The following CTNND2 variants were observed in gnomAD, a reference collection of about 807,000 sequenced individuals.
CTNND2 encodes catenin delta 2, also known as catenin delta-2.
Under a neutral mutation model 144.4 loss-of-function variants are expected in CTNND2, and 22 were observed. The ratio of observed to expected loss-of-function variants is 0.15; its 90% CI spans 0.11 to 0.22. The LOEUF is 0.22. Ranked by LOEUF, CTNND2 falls within the 10% of genes least tolerant of loss-of-function variation. The probability of loss-of-function intolerance (pLI) is 1.00; values close to 1 mark genes in which losing one functional copy is unlikely to be tolerated. For missense variants in CTNND2, 1,353 were observed against 1,618.8 expected (o/e 0.84, Z 2.82); for synonymous variants, 751 against 695.6 (o/e 1.08, Z -1.25).
chr5:11,269,719 A>T (rs1745801940), intron 9 of CTNND2, among the ~76,000 whole-genome samples: 1 of 152,192 alleles, frequency 6.6e-6, no homozygotes, highest in Non-Finnish European at 1.5e-5. Flanking sequence ...AACTGCTGCC[A>T]GAGTTCCTCT....
At chr5:11,226,652 T>A (rs1389150364) in intron 10 of CTNND2, among the ~76,000 whole-genome samples, 1 of 152,198 alleles carries the variant, frequency 6.6e-6, no homozygotes, top group Non-Finnish European at 1.5e-5. Context: ...TTATTTACTA[T>A]CACAAGAACA....
intron 1 of CTNND2, among the ~76,000 whole-genome samples, chr5:11,828,032 G>GCTT (rs1413655117): frequency 2.0e-5 from 3 of 152,128 alleles, no homozygotes; most frequent in African/African-American, 7.2e-5. Context: ...GCCAGAAAGA[G>GCTT]CTTCTCCTAC....
At chr5:11,789,253 T>C (rs997274807) in intron 1 of CTNND2, among the ~76,000 whole-genome samples, 3 of 152,170 alleles carry the variant, frequency 2.0e-5, no homozygotes, top group Admixed American at 2.0e-4. Context: ...CACTTACATT[T>C]TCATGTGACT....
chr5:11,549,510 A>T (rs1216495719), intron 3 of CTNND2, among the ~76,000 whole-genome samples: 4 of 152,196 alleles, frequency 2.6e-5, no homozygotes, highest in Admixed American at 6.5e-5. Flanking sequence ...AGAATGCCAT[A>T]CATTTCCATA....
chr5:11,180,810 C>T (rs577726578), intron 11 of CTNND2, among the ~76,000 whole-genome samples: 3 of 152,376 alleles, frequency 2.0e-5, no homozygotes, highest in South Asian at 2.1e-4. Flanking sequence ...TCACTCCTAA[C>T]GATGCCAACT....
intron 2 of CTNND2, among the ~76,000 whole-genome samples, chr5:11,569,656 G>A (rs1030408642): frequency 1.3e-5 from 2 of 152,016 alleles, no homozygotes; most frequent in Non-Finnish European, 2.9e-5. Context: ...TAACTTTGTG[G>A]TATAGCATTA....
At chr5:11,300,516 G>A (rs1360566716) in intron 9 of CTNND2, among the ~76,000 whole-genome samples, 1 of 152,008 alleles carries the variant, frequency 6.6e-6, no homozygotes, top group Non-Finnish European at 1.5e-5. Context: ...CAGGCCTGGG[G>A]CCCCAGTGAC....
At chr5:11,296,674 T>C (rs1030899303) in intron 9 of CTNND2, among the ~76,000 whole-genome samples, 2 of 152,204 alleles carry the variant, frequency 1.3e-5, no homozygotes, top group Non-Finnish European at 2.9e-5. Context: ...TGAGTTCATG[T>C]CCTTTGTAGG....
Position 11,166,471 on chromosome 5 carries a change from G to C in CTNND2, c.1976-6712C>G, listed in dbSNP as rs368301807. On this transcript the variant is annotated intron_variant, in intron 11 of 21. Coordinates refer to ENST00000304623, the MANE Select transcript of CTNND2 (RefSeq NM_001332.4). The stretch of plus-strand genomic sequence containing the variant: ...TCACCATCTTAGCCAGGATGGTCTC[G>C]ATCTCCTGACCTCATGATCCACCCG... Among the ~76,000 whole-genome samples, 325 of 151,674 alleles carry C rather than the reference G, an allele frequency of 2.1e-3. 1 individual carries two copies. The highest frequency in any genetic ancestry group is 6.6e-3 in the African/African-American group (274 of 41,328).
rs70949317 is a variant in CTNND2 at position 11,330,782 on chromosome 5, CAAA to C, written c.1628+15587_1628+15589del. On this transcript the variant is annotated intron_variant, in intron 9 of 21. Transcript: ENST00000304623. ...TGGGCAACAGAGCAAAACTCTGTAT[CAAA>C]AAAAAAAAAAAAAAATAGAAAGAGT... 5.1e-3 allele frequency among the ~76,000 whole-genome samples: 713 copies of C among 139,520 alleles called. 1 individual carries two copies. Among genetic ancestry groups the C allele is most frequent in the African/African-American group, 0.011 (427 of 38,442 alleles). 91.5% of individuals were successfully genotyped at this position (139,520 alleles called of 152,430 possible). A position where few individuals can be genotyped will look rare whatever the true frequency, so the allele number is the denominator to read the frequency against.
Position 11,020,569 on chromosome 5 carries a change from A to G in CTNND2, c.2999+2200T>C, listed in dbSNP as rs567894218. On this transcript the variant is annotated intron_variant, in intron 17 of 21. Coordinates refer to ENST00000304623, the MANE Select transcript of CTNND2 (RefSeq NM_001332.4). ...TCTCCATACCTACTATTATAATAGA[A>G]TTGAGTCAGAAATGGTGAGTTTCAT... is the stretch of plus-strand genomic sequence containing the variant. Among the ~76,000 whole-genome samples, 71 of 152,326 alleles carry G rather than the reference A, an allele frequency of 4.7e-4. 3 individuals are homozygous for G. In the South Asian group the frequency reaches 0.014, roughly 31 times the overall value.
chr5:11,618,477 AT>A (rs1394978737), intron 2 of CTNND2, among the ~76,000 whole-genome samples: 1 of 152,186 alleles, frequency 6.6e-6, no homozygotes, highest in Admixed American at 6.5e-5. Context: ...CAAGCTGCTA[AT>A]TGCTCCTAGG....
At chr5:11,040,043 A>G (rs376772862) in intron 16 of CTNND2, among the ~76,000 whole-genome samples, 61 of 151,882 alleles carry the variant, frequency 4.0e-4, no homozygotes, top group African/African-American at 1.3e-3. Flanking sequence ...GCCTGGGTTA[A>G]CAGAGTGAAC....
At chr5:11,152,418 A>G (rs1262209375) in intron 12 of CTNND2, among the ~76,000 whole-genome samples, 1 of 152,228 alleles carries the variant, frequency 6.6e-6, no homozygotes, top group African/African-American at 2.4e-5. Flanking sequence ...ACCTAGGAGC[A>G]ATAGACATAT....
At chr5:11,053,144 T>A (rs771481433) in intron 16 of CTNND2, among the ~76,000 whole-genome samples, 3 of 152,236 alleles carry the variant, frequency 2.0e-5, no homozygotes, top group Admixed American at 6.5e-5. Flanking sequence ...CTCAGATGAC[T>A]AATCAATTTG....
At chr5:11,518,638 A>C (rs1772422554) in intron 3 of CTNND2, among the ~76,000 whole-genome samples, 1 of 152,206 alleles carries the variant, frequency 6.6e-6, no homozygotes, top group Non-Finnish European at 1.5e-5. Context: ...TTTTAAAAAA[A>C]TCTTTTATAT....
chr5:10,980,944 A>G (rs1277108425), intron 21 of CTNND2, among the ~76,000 whole-genome samples: 1 of 152,132 alleles, frequency 6.6e-6, no homozygotes, highest in Non-Finnish European at 1.5e-5. Context: ...CCTAATTTGG[A>G]TGTCGGGTTG....
chr5:11,654,051 T>C (rs532824723), intron 2 of CTNND2, among the ~76,000 whole-genome samples: 1 of 152,180 alleles, frequency 6.6e-6, no homozygotes, highest in Admixed American at 6.5e-5. Flanking sequence ...GTTGACCGTA[T>C]GTAGGTGAGT....
At chr5:11,860,675 C>T (rs2127024393) in intron 1 of CTNND2, among the ~76,000 whole-genome samples, 1 of 152,220 alleles carries the variant, frequency 6.6e-6, no homozygotes, top group Admixed American at 6.5e-5. Flanking sequence ...GAAACTAAAC[C>T]AGGTAATTTA....
Sources: allele counts gnomAD v4.1 joint callset (sites outside exome capture counted in the v4.1 genomes callset), GRCh38; gene constraint gnomAD v4.1.1; transcripts MANE v1.5; gene names NCBI Gene and HGNC (gene_info 2026-07-23, HGNC 2026-07-21).